The following SEL1L3 variants were observed in gnomAD, a reference collection of about 807,000 sequenced individuals.
The protein encoded by SEL1L3 is protein sel-1 homolog 3.
In SEL1L3, 76 loss-of-function variants were observed where a neutral mutation model predicts 142.8. The ratio of observed to expected loss-of-function variants is 0.53; its 90% CI spans 0.44 to 0.64. The LOEUF (loss-of-function observed/expected upper bound fraction) is 0.64. Ranked by LOEUF, SEL1L3 falls within the 30% of genes least tolerant of loss-of-function variation. The pLI, the probability that SEL1L3 is intolerant of heterozygous loss-of-function variation, is 0.00. For synonymous variants in SEL1L3, 504 were observed against 519.6 expected (o/e 0.97, Z 0.41); for missense variants, 1,262 against 1,381.7 (o/e 0.91, Z 1.37).
At chr4:25,725,326 T>TTC in the SEL1L3 span, among the ~76,000 whole-genome samples, 2 of 151,658 alleles carry the variant, frequency 1.3e-5, no homozygotes, top group African/African-American at 2.4e-5. Context: ...GGCTTTTTTT[T>TTC]TTTTTTTGAG....
At chr4:25,758,434 G>A (rs559296344) in intron 21 of SEL1L3, among the ~76,000 whole-genome samples, 29 of 152,282 alleles carry the variant, frequency 1.9e-4, no homozygotes, top group Non-Finnish European at 3.1e-4. Flanking sequence ...TCGCACCACT[G>A]CACTCCAGCC....
Position 25,845,850 on chromosome 4 carries a change from C to T in SEL1L3, c.733+1444G>A, listed in dbSNP as rs1008494218. Among the ~76,000 whole-genome samples the T allele has an allele frequency of 3.9e-5, 6 of 152,202 alleles. 1 individual carries two copies. The South Asian group carries it at 1.2e-3, about 32-fold the overall frequency. ...CTGCCTGCCAAGCCTGGCTGGGGGT[C>T]GGGACACGGGAACCATAGCAATCCT... On this transcript the variant is annotated intron_variant, in intron 2 of 23. Coordinates refer to ENST00000399878, the MANE Select transcript of SEL1L3 (RefSeq NM_015187.5).
chr4:25,837,554 T>C lies in SEL1L3; in HGVS notation c.734-2231A>G, dbSNP rs1195881873. On this transcript the variant is annotated intron_variant, in intron 2 of 23. Coordinates refer to ENST00000399878, the MANE Select transcript of SEL1L3 (RefSeq NM_015187.5). ...GCTCAGCCCCAAAGATCTAAAATAA[T>C]TTTACAAGAACACATACCGTTTGTA... Among the ~76,000 whole-genome samples, 9 of 151,778 alleles carry C rather than the reference T, an allele frequency of 5.9e-5. 1 individual carries two copies. Among genetic ancestry groups the C allele is most frequent in the Non-Finnish European group, 2.9e-5 (2 of 67,982 alleles).
At chr4:25,821,123 C>T (rs144844532) in intron 7 of SEL1L3, among the ~76,000 whole-genome samples, 67 of 152,326 alleles carry the variant, frequency 4.4e-4, no homozygotes, top group African/African-American at 1.5e-3. Context: ...GCCTGGCATA[C>T]AGTAGGTTCT....
chr4:25,759,083 C>T lies in SEL1L3; in HGVS notation c.2956-15G>A, dbSNP rs1718203174. The T allele has an allele frequency of 1.2e-6, 2 of 1,611,928 alleles. No homozygotes were observed. Among genetic ancestry groups the T allele is most frequent in the Non-Finnish European group, 1.7e-6 (2 of 1,179,078 alleles). On this transcript the variant is annotated splice_polypyrimidine_tract_variant and intron_variant, in intron 20 of 23. Transcript: ENST00000399878. ...TTAAAAAATCCCTAAAAACAAGCCACAAACCAAACTCATCAAATCCTTGAA... is the reference window on the plus strand; with the variant it reads ...TTAAAAAATCCCTAAAAACAAGCCATAAACCAAACTCATCAAATCCTTGAA...
Position 25,790,574 on chromosome 4 carries a change from C to A in SEL1L3, c.1957G>T (p.Ala653Ser). The change falls in exon 12 of 24, where the codon GCA becomes TCA. Residue 653 changes from alanine to serine, a missense_variant and splice_region_variant. Transcript: ENST00000399878. ...TTTAGTCTAATTGTTTCAACATATGCCTGAGAAGGAAGGAGGGAAAGAAGG... is the reference window on the plus strand; with the variant it reads ...TTTAGTCTAATTGTTTCAACATATGACTGAGAAGGAAGGAGGGAAAGAAGG... ...LDQHTLQGDQ[A>S]YVETIRLKDD... 3 of 1,573,642 alleles carry A rather than the reference C, an allele frequency of 1.9e-6. No individual in the cohort carries two copies. Among genetic ancestry groups the A allele is most frequent in the Non-Finnish European group, 2.6e-6 (3 of 1,154,672 alleles).
chr4:25,784,780 T>C (rs979004035), intron 13 of SEL1L3, among the ~76,000 whole-genome samples: 2 of 152,250 alleles, frequency 1.3e-5, no homozygotes, highest in Non-Finnish European at 2.9e-5. Flanking sequence ...CCACAGAAGA[T>C]AGAAGGCAGC....
the SEL1L3 span, among the ~76,000 whole-genome samples, chr4:25,732,663 C>T: frequency 1.3e-5 from 2 of 151,950 alleles, no homozygotes; most frequent in African/African-American, 2.4e-5. Flanking sequence ...GTTTGCCTCC[C>T]GCCCCACCAC....
chr4:25,746,336 G>A (rs1717259259), downstream of SEL1L3, among the ~76,000 whole-genome samples: 1 of 151,494 alleles, frequency 6.6e-6, no homozygotes, highest in Non-Finnish European at 1.5e-5. Flanking sequence ...TGGGCAACAT[G>A]GCAAAACACT....
intron 9 of SEL1L3, among the ~76,000 whole-genome samples, chr4:25,810,683 G>A (rs887050498): frequency 2.0e-5 from 3 of 152,086 alleles, no homozygotes; most frequent in Non-Finnish European, 4.4e-5. Context: ...CCCCTCTTCC[G>A]GAGTCCTGAA....
chr4:25,828,401 T>TG (rs1715228964), intron 6 of SEL1L3, among the ~76,000 whole-genome samples: 1 of 151,524 alleles, frequency 6.6e-6, no homozygotes, highest in African/African-American at 2.4e-5. Flanking sequence ...TTTTTTTTTT[T>TG]TTGTTAAGAT....
intron 6 of SEL1L3, among the ~76,000 whole-genome samples, chr4:25,825,666 A>ACT (rs1715045432): frequency 1.4e-5 from 1 of 74,026 alleles, no homozygotes. Context: ...TCTAAATTCT[A>ACT]TTTTTTTTTT....
At chr4:25,810,084 G>A (rs1478239681) in intron 9 of SEL1L3, among the ~76,000 whole-genome samples, 2 of 152,206 alleles carry the variant, frequency 1.3e-5, no homozygotes, top group African/African-American at 4.8e-5. Context: ...TGTCAGCCCA[G>A]GGAGCCGAGC....
chr4:25,751,774 T>C (rs1717607687), intron 23 of SEL1L3, among the ~76,000 whole-genome samples: 1 of 151,872 alleles, frequency 6.6e-6, no homozygotes, highest in East Asian at 1.9e-4. Flanking sequence ...TATCTTGGTA[T>C]TTTTTATTGA....
chr4:25,838,222 T>G (rs1255740218), intron 2 of SEL1L3, among the ~76,000 whole-genome samples: 1 of 152,224 alleles, frequency 6.6e-6, no homozygotes, highest in African/African-American at 2.4e-5. Context: ...CATTCATTTC[T>G]TTAGCTTATT....
the SEL1L3 span, among the ~76,000 whole-genome samples, chr4:25,734,608 TC>T: frequency 6.6e-6 from 1 of 151,760 alleles, no homozygotes; most frequent in Admixed American, 6.6e-5. Context: ...TCACTCTGTT[TC>T]CCAGGCTGGA....
At chr4:25,745,844 T>C (rs960878942), downstream of SEL1L3, among the ~76,000 whole-genome samples, 5 of 152,212 alleles carry the variant, frequency 3.3e-5, no homozygotes, top group Admixed American at 6.5e-5. Flanking sequence ...ATTCCCAGTG[T>C]GGCGTGTGGC....
At chr4:25,828,968 T>C (rs960710323) in intron 6 of SEL1L3, among the ~76,000 whole-genome samples, 2 of 152,162 alleles carry the variant, frequency 1.3e-5, no homozygotes, top group African/African-American at 4.8e-5. Context: ...TTATTTCTGA[T>C]CTTTACACTT....
At chr4:25,750,008 C>A (rs1015300988) in intron 23 of SEL1L3, among the ~76,000 whole-genome samples, 3 of 151,980 alleles carry the variant, frequency 2.0e-5, no homozygotes, top group East Asian at 3.9e-4. Context: ...CCCGGACGGC[C>A]GGATAACCTG....
Sources: gnomAD v4.1 joint callset for allele counts (sites outside exome capture counted in the v4.1 genomes callset) on GRCh38, gnomAD v4.1.1 for gene constraint, MANE v1.5 for transcripts, NCBI Gene and HGNC (gene_info 2026-07-23, HGNC 2026-07-21) for gene names.